The following UBE3D variants were observed in gnomAD, a reference collection of about 807,000 sequenced individuals.
UBE3D encodes the protein E3 ubiquitin-protein ligase E3D.
A neutral mutation model predicts 49.6 loss-of-function variants in UBE3D; 48 were observed. The ratio of observed to expected loss-of-function variants is 0.97; its 90% CI spans 0.77 to 1.23. The LOEUF (loss-of-function observed/expected upper bound fraction) is 1.23. Among genes scored for constraint, UBE3D ranks in the 50% most tolerant of loss-of-function variants. UBE3D has a pLI of 0.00. For missense variants in UBE3D, 452 were observed against 468.4 expected (o/e 0.96, Z 0.32); for synonymous variants, 189 against 174.2 (o/e 1.08, Z -0.67).
intron 7 of UBE3D, among the ~76,000 whole-genome samples, chr6:83,022,242 G>T (rs1781152458): frequency 3.3e-5 from 5 of 152,150 alleles, no homozygotes; most frequent in Admixed American, 3.3e-4. Context: ...GGCCAGGCTG[G>T]TCTCGAACTC....
At chr6:82,990,748 G>A (rs1299033623) in intron 8 of UBE3D, among the ~76,000 whole-genome samples, 5 of 152,004 alleles carry the variant, frequency 3.3e-5, no homozygotes, top group Non-Finnish European at 7.4e-5. Context: ...GCAACATATG[G>A]ATTCAGTAAT....
chr6:82,957,392 T>C lies in UBE3D; in HGVS notation c.1069A>G (p.Thr357Ala), dbSNP rs779629421. The C allele has an allele frequency of 6.2e-6, 10 of 1,613,984 alleles. No homozygotes were observed. In the African/African-American group the frequency reaches 1.3e-4, roughly 22 times the overall value. The change falls in exon 9 of 10, where the codon ACC becomes GCC. Residue 357 changes from threonine (T) to alanine (A), a missense_variant. Physicochemically the swap from Thr to Ala is moderately conservative, Grantham distance 58. Transcript: ENST00000369747. ...SVHPLTLPSATCLELLLILSK... is the reference protein window; with the variant it reads ...SVHPLTLPSAACLELLLILSK... ...AATATCAACAGCAGCTCCAAGCAGG[T>C]TGCAGAGGGCAGGGTTAGCGGGTGG...
chr6:83,048,898 A>G (rs1438341944), intron 3 of UBE3D, among the ~76,000 whole-genome samples: 1 of 152,114 alleles, frequency 6.6e-6, no homozygotes, highest in Non-Finnish European at 1.5e-5. Flanking sequence ...ATTTTTTTCA[A>G]GGTTAGTTTT....
At position 82,892,823 on chromosome 6, in the gene UBE3D, G is replaced by A; in HGVS notation, c.*199C>T. The A allele has an allele frequency of 1.6e-6, 1 of 632,962 alleles. No homozygotes were observed. The highest frequency in any genetic ancestry group is 2.4e-5 in the Admixed American group (1 of 42,090). 39.2% of individuals were successfully genotyped at this position (632,962 alleles called of 1,614,324 possible). A position where few individuals can be genotyped will look rare whatever the true frequency, so the allele number is the denominator to read the frequency against. ...TACTATGACTTTCTTCACAGTCCTG[G>A]GTTTTCAAAGATCTAAAGTTAACTC... On this transcript the variant is annotated 3_prime_UTR_variant, in exon 10 of 10. Transcript: ENST00000369747.
intron 9 of UBE3D, among the ~76,000 whole-genome samples, chr6:82,950,700 C>A (rs1775726565): frequency 6.6e-6 from 1 of 152,152 alleles, no homozygotes; most frequent in Non-Finnish European, 1.5e-5. Context: ...TTGGAAGCAA[C>A]CGAAGTGTCC....
intron 8 of UBE3D, among the ~76,000 whole-genome samples, chr6:82,992,836 A>G (rs1010410406): frequency 6.6e-6 from 1 of 152,088 alleles, no homozygotes; most frequent in East Asian, 1.9e-4. Context: ...TCCAGAGCTT[A>G]CTTCTATTTG....
At chr6:82,892,354 C>T (rs551637957), downstream of UBE3D, 14 of 154,042 alleles carry the variant, frequency 9.1e-5, no homozygotes, top group East Asian at 7.7e-4. Context: ...GTTTCCTCAC[C>T]GCTTGTGCTG....
chr6:83,058,063 A>G (rs751595538), intron 1 of UBE3D, 41 bp from the exon 2 acceptor site: 1 of 1,597,728 alleles, frequency 6.3e-7, no homozygotes, highest in East Asian at 2.2e-5. Flanking sequence ...TATTTCTCAC[A>G]ATGAAAACCA....
intron 9 of UBE3D, among the ~76,000 whole-genome samples, chr6:82,948,695 C>T (rs561783925): frequency 2.6e-5 from 4 of 152,042 alleles, no homozygotes; most frequent in South Asian, 4.1e-4. Context: ...CCCAGGGATA[C>T]AAGTATGATT....
At chr6:82,894,125 G>A (rs140397365) in intron 9 of UBE3D, 23 of 152,318 alleles carry the variant, frequency 1.5e-4, no homozygotes, top group African/African-American at 5.5e-4. Flanking sequence ...AACCTCAAGA[G>A]CTTACTGTGA....
At chr6:82,989,667 T>C (rs1418775147) in intron 8 of UBE3D, among the ~76,000 whole-genome samples, 1 of 152,188 alleles carries the variant, frequency 6.6e-6, no homozygotes, top group Non-Finnish European at 1.5e-5. Context: ...TTAGTGGCTA[T>C]AATTTGCCTA....
At chr6:83,065,137 C>G (rs1402860304) in intron 1 of UBE3D, among the ~76,000 whole-genome samples, 1 of 152,162 alleles carries the variant, frequency 6.6e-6, no homozygotes, top group Non-Finnish European at 1.5e-5. Context: ...TCACTAAACT[C>G]ACGTTTATTG....
intron 9 of UBE3D, among the ~76,000 whole-genome samples, chr6:82,910,225 C>T (rs1772401346): frequency 1.3e-5 from 2 of 152,110 alleles, no homozygotes; most frequent in African/African-American, 4.8e-5. Context: ...TCCACTCCTG[C>T]CTGCAAAGGG....
chr6:82,998,740 C>T lies in UBE3D; in HGVS notation c.1010+20233G>A, dbSNP rs188000583. 6.3e-3 allele frequency among the ~76,000 whole-genome samples: 959 copies of T among 152,246 alleles called. 8 individuals are homozygous for T. Among genetic ancestry groups the T allele is most frequent in the South Asian group, 0.016 (75 of 4,826 alleles). On this transcript the variant is annotated intron_variant, in intron 8 of 9. Coordinates refer to ENST00000369747, the MANE Select transcript of UBE3D (RefSeq NM_198920.3). ...AGTGATTAAAAACTATAGCCTCTTT[C>T]CAACTCTTAAGTCATTAAAACAGGC...
intron 3 of UBE3D, among the ~76,000 whole-genome samples, chr6:83,050,279 A>G (rs1472225169): frequency 6.6e-6 from 1 of 151,856 alleles, no homozygotes; most frequent in African/African-American, 2.4e-5. Flanking sequence ...TTAGTCCCAG[A>G]CTATCAAATA....
At chr6:83,008,127 C>A (rs1245659104) in intron 8 of UBE3D, among the ~76,000 whole-genome samples, 1 of 152,094 alleles carries the variant, frequency 6.6e-6, no homozygotes, top group African/African-American at 2.4e-5. Flanking sequence ...GCACTATTGG[C>A]ATTTGGGGTT....
chr6:82,899,489 T>C (rs1771574663), intron 9 of UBE3D, among the ~76,000 whole-genome samples: 1 of 152,214 alleles, frequency 6.6e-6, no homozygotes, highest in Non-Finnish European at 1.5e-5. Flanking sequence ...ACTAAAAAGC[T>C]TGTTGATTTA....
chr6:82,988,211 C>T (rs7756069), intron 8 of UBE3D, among the ~76,000 whole-genome samples: 45,805 of 151,940 alleles, frequency 0.3, 7,353 homozygotes, highest in African/African-American at 0.39. Flanking sequence ...TAAAAGAGAA[C>T]GAACTTAGAG....
intron 7 of UBE3D, among the ~76,000 whole-genome samples, chr6:83,021,658 A>G (rs1243709806): frequency 6.6e-6 from 1 of 151,888 alleles, no homozygotes; most frequent in African/African-American, 2.4e-5. Context: ...CGAGGTCAGG[A>G]GATCGAGACC....
Sources: allele counts gnomAD v4.1 joint callset (sites outside exome capture counted in the v4.1 genomes callset), GRCh38; gene constraint gnomAD v4.1.1; transcripts MANE v1.5; gene names NCBI Gene and HGNC (gene_info 2026-07-23, HGNC 2026-07-21).